Variants in STAB2 observed in about 807,000 individuals in gnomAD.
The protein encoded by STAB2 is stabilin 2, also known as stabilin-2.
STAB2 carries 288 observed loss-of-function variants against 338.1 expected under a neutral mutation model. The observed-to-expected ratio is 0.85, with a 90% CI of 0.77 to 0.94. The LOEUF (loss-of-function observed/expected upper bound fraction) is 0.94. Ranked by LOEUF, STAB2 falls within the 40% of genes least tolerant of loss-of-function variation. STAB2 has a pLI of 0.00. For missense variants in STAB2, 3,141 were observed against 3,210.1 expected (o/e 0.98, Z 0.52); for synonymous variants, 1,202 against 1,193.3 (o/e 1.01, Z -0.15).
chr12:103,730,278 T>C, intron 49 of STAB2, 22 bp downstream of exon 49: 1 of 1,613,010 alleles, frequency 6.2e-7, no homozygotes, highest in South Asian at 1.1e-5. Flanking sequence ...CTCTGTTATG[T>C]TTTCAGCCTG....
At chr12:103,760,863 C>T (rs1884483217) in intron 65 of STAB2, among the ~76,000 whole-genome samples, 2 of 152,334 alleles carry the variant, frequency 1.3e-5, no homozygotes, top group African/African-American at 4.8e-5. Flanking sequence ...CGTGATTCAG[C>T]AGGGGAGAAG....
At position 103,591,014 on chromosome 12, in the gene STAB2, G is replaced by A; in HGVS notation, c.199G>A (p.Gly67Arg). 1 of 1,613,994 alleles carries A rather than the reference G, an allele frequency of 6.2e-7. No homozygotes were observed. The highest frequency in any genetic ancestry group is 8.5e-7 in the Non-Finnish European group (1 of 1,180,006). The change falls in exon 2 of 69, where the codon GGG becomes AGG. Residue 67 changes from glycine to arginine, a missense_variant. By Grantham distance (125) the Gly-to-Arg change is moderately radical (BLOSUM62 -2). Transcript: ENST00000388887. ...CACCATGATTACCAGTGGCTCTGTA[G>A]GGGTTCGAGATTGCAGGTACTCATG... is the stretch of plus-strand genomic sequence containing the variant. ...GYTMITSGSVGVRDCRYTFEV... is the reference protein window; with the variant it reads ...GYTMITSGSVRVRDCRYTFEV...
rs1777458325 is a variant in STAB2, at chr12:103,703,173, AC to A, written c.3741del (p.Tyr1248ThrfsTer4). 1 of 1,613,942 alleles carries A rather than the reference AC, an allele frequency of 6.2e-7. No individual in the cohort carries two copies. The highest frequency in any genetic ancestry group is 1.3e-5 in the African/African-American group (1 of 75,042). On this transcript the variant is annotated frameshift_variant, in exon 35 of 69. Transcript: ENST00000388887. LOFTEE classifies it high-confidence loss of function. ...DQLYVNEAPI[N>X]YTNVATDKGV... is the part of the protein sequence containing the mutation. ...CTCTATGTAAATGAGGCTCCAATAAACTACACCAATGTAGCCACTGATAAGG... is the reference window on the plus strand; with the variant it reads ...CTCTATGTAAATGAGGCTCCAATAAATACACCAATGTAGCCACTGATAAGG...
intron 3 of STAB2, among the ~76,000 whole-genome samples, chr12:103,618,391 T>C (rs1175390327): frequency 1.3e-5 from 2 of 152,204 alleles, no homozygotes; most frequent in Non-Finnish European, 2.9e-5. Flanking sequence ...GATATTGGAC[T>C]TCCCAGACTA....
intron 63 of STAB2, chr12:103,757,874 C>G: frequency 2.5e-6 from 1 of 401,644 alleles, no homozygotes; most frequent in South Asian, 2.8e-5. Flanking sequence ...TGGGGGGCCA[C>G]TGCAGGATTT....
intron 64 of STAB2, among the ~76,000 whole-genome samples, chr12:103,758,499 G>T (rs1884299552): frequency 6.6e-6 from 1 of 152,206 alleles, no homozygotes; most frequent in Non-Finnish European, 1.5e-5. Context: ...CAATGGCTCT[G>T]CTCCATGGAA....
chr12:103,622,135 A>C, intron 5 of STAB2, 24 bp downstream of exon 5: 5 of 1,613,308 alleles, frequency 3.1e-6, no homozygotes, highest in Non-Finnish European at 4.2e-6. Context: ...TTGTGTAATC[A>C]CCACATTTGT....
At chr12:103,672,755 C>T (rs1384606132) in intron 22 of STAB2, among the ~76,000 whole-genome samples, 1 of 152,144 alleles carries the variant, frequency 6.6e-6, no homozygotes, top group Non-Finnish European at 1.5e-5. Flanking sequence ...GATGAGGTGG[C>T]CCGTGTTACA....
chr12:103,697,345 T>A (rs1878495257), intron 33 of STAB2, among the ~76,000 whole-genome samples: 1 of 152,200 alleles, frequency 6.6e-6, no homozygotes, highest in Non-Finnish European at 1.5e-5. Flanking sequence ...GAACTGGAAA[T>A]CTTCTACCTT....
At position 103,695,719 on chromosome 12, in the gene STAB2, T is replaced by C. The variant is rs371183789; in HGVS notation, c.3475-18T>C. The stretch of plus-strand genomic sequence containing the variant: ...GGAACAGGAATCCCTCATGCACTCT[T>C]GTCTCTTTCCATCGCAGCAATATAA... On this transcript the variant is annotated intron_variant, in intron 32 of 68. Coordinates refer to ENST00000388887, the MANE Select transcript of STAB2 (RefSeq NM_017564.10). The C allele has an allele frequency of 4.3e-5, 69 of 1,614,068 alleles. No individual in the cohort carries two copies. In the African/African-American group the frequency reaches 9.1e-4, roughly 21 times the overall value.
intron 15 of STAB2, 113 bp from the exon 16 acceptor site, chr12:103,660,218 A>T: frequency 8.8e-7 from 1 of 1,138,584 alleles, no homozygotes; most frequent in Admixed American, 1.8e-5. Context: ...GGATTTCCCA[A>T]TAGATTATGG....
chr12:103,692,646 AGAGAG>A (rs1878047579), intron 30 of STAB2, among the ~76,000 whole-genome samples, 161 bp from the exon 31 acceptor site: 1 of 151,552 alleles, frequency 6.6e-6, no homozygotes, highest in Non-Finnish European at 1.5e-5. Flanking sequence ...AGAGAGAGAG[AGAGAG>A]GGGTCTATGG....
intron 65 of STAB2, 28 bp from the exon 66 acceptor site, chr12:103,761,272 G>A: frequency 6.2e-7 from 1 of 1,604,732 alleles, no homozygotes; most frequent in South Asian, 1.1e-5. Flanking sequence ...GAGAGTAAAA[G>A]CCATCAACCC....
At chr12:103,675,601 C>T (rs1309522212) in intron 23 of STAB2, among the ~76,000 whole-genome samples, 3 of 152,362 alleles carry the variant, frequency 2.0e-5, no homozygotes, top group Non-Finnish European at 2.9e-5. Context: ...CTCTGCTAAA[C>T]GCTCAGTGTG....
chr12:103,748,953 G>C lies in STAB2; in HGVS notation c.6245-10G>C, dbSNP rs1207709652. On this transcript the variant is annotated splice_polypyrimidine_tract_variant and intron_variant, in intron 58 of 68. Transcript: ENST00000388887. ...TGGTAAGTTGAGCCCTCTCTCCTCTGCTCTTGCAGTTGTGGATTTCTGCAA... is the reference window on the plus strand; with the variant it reads ...TGGTAAGTTGAGCCCTCTCTCCTCTCCTCTTGCAGTTGTGGATTTCTGCAA... 1 of 1,610,666 alleles carries C rather than the reference G, an allele frequency of 6.2e-7. No homozygotes were observed. Among genetic ancestry groups the C allele is most frequent in the East Asian group, 2.2e-5 (1 of 44,820 alleles).
intron 8 of STAB2, among the ~76,000 whole-genome samples, chr12:103,638,413 CCA>C (rs574761057): frequency 1.8e-3 from 278 of 152,280 alleles, no homozygotes; most frequent in African/African-American, 6.4e-3. Context: ...TCACACTTTC[CCA>C]GCTCCCCATC....
intron 3 of STAB2, among the ~76,000 whole-genome samples, chr12:103,609,730 T>C (rs1321770486): frequency 1.3e-5 from 2 of 152,142 alleles, no homozygotes; most frequent in African/African-American, 4.8e-5. Flanking sequence ...CTATGTTGAA[T>C]AGGAGTGGTG....
At chr12:103,718,446 G>A (rs1343024401) in intron 44 of STAB2, among the ~76,000 whole-genome samples, 1 of 152,064 alleles carries the variant, frequency 6.6e-6, no homozygotes, top group Non-Finnish European at 1.5e-5. Flanking sequence ...GGTTCATATG[G>A]GGATAGAAGC....
chr12:103,762,075 C>A (rs1444826008), intron 66 of STAB2, among the ~76,000 whole-genome samples, 199 bp from the exon 67 acceptor site: 1 of 152,242 alleles, frequency 6.6e-6, no homozygotes, highest in African/African-American at 2.4e-5. Flanking sequence ...CTCTCCCTAT[C>A]TCTTTGGGTT....
Sources: allele counts gnomAD v4.1 joint callset (sites outside exome capture counted in the v4.1 genomes callset), GRCh38; gene constraint gnomAD v4.1.1; transcripts MANE v1.5; gene names NCBI Gene and HGNC (gene_info 2026-07-23, HGNC 2026-07-21).